Variants in CYB5R4 observed in about 807,000 individuals in gnomAD.
CYB5R4 encodes N-terminal cytochrome b5 and cytochrome b5 oxidoreductase domain-containing protein.
Under a neutral mutation model 70.2 loss-of-function variants are expected in CYB5R4, and 55 were observed. The ratio of observed to expected loss-of-function variants is 0.78; its 90% CI spans 0.63 to 0.98. The LOEUF (loss-of-function observed/expected upper bound fraction) is 0.98. Among genes scored for constraint, CYB5R4 ranks in the 50% least tolerant of loss-of-function variants. The probability of loss-of-function intolerance (pLI) is 0.00; values close to 1 mark genes in which losing one functional copy is unlikely to be tolerated. For missense variants in CYB5R4, 562 were observed against 612.6 expected (o/e 0.92, Z 0.87); for synonymous variants, 197 against 199.5 (o/e 0.99, Z 0.11).
chr6:83,887,747 C>G (rs1315214995), intron 2 of CYB5R4, among the ~76,000 whole-genome samples: 6 of 103,440 alleles, frequency 5.8e-5, no homozygotes, highest in Non-Finnish European at 9.7e-5. Flanking sequence ...AAACAAAACA[C>G]ACACAAAAAT....
In CYB5R4 at chr6:83,922,461, G is replaced by T. The variant is rs2099466534; in HGVS notation, c.682G>T (p.Asp228Tyr). 6.2e-7 allele frequency: 1 copy of T among 1,613,290 alleles called. No individual in the cohort carries two copies. The highest frequency in any genetic ancestry group is 8.5e-7 in the Non-Finnish European group (1 of 1,179,554). ...HIGLSHEVQEDFSVRVVESVG... is the reference protein window; with the variant it reads ...HIGLSHEVQEYFSVRVVESVG... Reference sequence around the variant, plus strand: ...AGGGCTAAGCCATGAGGTTCAGGAAGATTTTTCTGGTAAGCTACCAAAAAC... The same window carrying T: ...AGGGCTAAGCCATGAGGTTCAGGAATATTTTTCTGGTAAGCTACCAAAAAC... The change falls in exon 9 of 16, where the codon GAT (aspartate) becomes TAT (tyrosine). Residue 228 changes from aspartate to tyrosine, a missense_variant. Transcript: ENST00000369681.
intron 2 of CYB5R4, among the ~76,000 whole-genome samples, chr6:83,878,088 T>G (rs892647756): frequency 1.3e-5 from 2 of 152,210 alleles, no homozygotes; most frequent in African/African-American, 4.8e-5. Flanking sequence ...ATTTCCAGTC[T>G]GCCAATAAGC....
intron 1 of CYB5R4, among the ~76,000 whole-genome samples, chr6:83,860,168 A>G (rs1193604295): frequency 1.3e-5 from 2 of 152,090 alleles, no homozygotes; most frequent in Non-Finnish European, 2.9e-5. Flanking sequence ...GCGGTATTAT[A>G]GGCTCTCGGT....
intron 7 of CYB5R4, among the ~76,000 whole-genome samples, chr6:83,919,785 TG>T (rs1588576451): frequency 6.7e-6 from 1 of 149,826 alleles, no homozygotes; most frequent in African/African-American, 2.4e-5. Context: ...TGTGTGTGTG[TG>T]TGTGTGTGTG....
Position 83,960,059 on chromosome 6 carries a change from A to G in CYB5R4, c.*181A>G, listed in dbSNP as rs1462513181. The G allele has an allele frequency of 9.1e-6, 4 of 441,548 alleles. No homozygotes were observed. Among genetic ancestry groups the G allele is most frequent in the Non-Finnish European group, 1.2e-5 (3 of 252,396 alleles). The allele number at this position is 441,548 out of a possible 1,614,324, so 27.4% of individuals were successfully genotyped here. A position where few individuals can be genotyped will look rare whatever the true frequency, so the allele number is the denominator to read the frequency against. ...CTTCTTGGCTTTCTTTTGTACCACA[A>G]CTTATTTTACTACTGATATTTGACC... On this transcript the variant is annotated 3_prime_UTR_variant, in exon 16 of 16. Coordinates refer to ENST00000369681, the MANE Select transcript of CYB5R4 (RefSeq NM_016230.4).
At chr6:83,908,077 T>C (rs571034931) in intron 3 of CYB5R4, among the ~76,000 whole-genome samples, 1 of 149,286 alleles carries the variant, frequency 6.7e-6, no homozygotes, top group Non-Finnish European at 1.5e-5. Flanking sequence ...ATGGTTGAAC[T>C]AATTTACAGT....
chr6:83,878,991 C>T (rs1177632484), intron 2 of CYB5R4, among the ~76,000 whole-genome samples: 1 of 152,112 alleles, frequency 6.6e-6, no homozygotes, highest in African/African-American at 2.4e-5. Flanking sequence ...TCTTCCCCCT[C>T]TCCAAAAGGC....
chr6:83,873,999 G>A (rs2099458079), intron 2 of CYB5R4, among the ~76,000 whole-genome samples: 1 of 152,058 alleles, frequency 6.6e-6, no homozygotes, highest in Admixed American at 6.6e-5. Flanking sequence ...ATGTACATGG[G>A]CAGGTGTTTA....
At chr6:83,894,355 ATGT>A (rs1013093253) in intron 3 of CYB5R4, among the ~76,000 whole-genome samples, 19 of 152,148 alleles carry the variant, frequency 1.2e-4, no homozygotes, top group African/African-American at 3.6e-4. Context: ...ATGATTAACC[ATGT>A]TGTAATATTG....
chr6:83,864,399 A>C, intron 2 of CYB5R4, 71 bp downstream of exon 2: 28 of 1,337,640 alleles, frequency 2.1e-5, no homozygotes, highest in Non-Finnish European at 2.8e-5. Flanking sequence ...ACATAACCTC[A>C]CAGTCATGTT....
rs114604756 is a variant in CYB5R4, at chr6:83,950,415, G to C, written c.1347-4883G>C. On this transcript the variant is annotated intron_variant, in intron 14 of 15. Transcript: ENST00000369681. ...CCACTTATCCTTCTCCCAAATATGT[G>C]ATCAGTGTATGAGGCTCAGTTCATT... is the stretch of plus-strand genomic sequence containing the variant. Among the ~76,000 whole-genome samples, 412 of 152,204 alleles carry C rather than the reference G, an allele frequency of 2.7e-3. 1 individual carries two copies. Among genetic ancestry groups the C allele is most frequent in the Middle Eastern group, 6.8e-3 (2 of 294 alleles).
At chr6:83,876,021 A>G (rs544945491) in intron 2 of CYB5R4, among the ~76,000 whole-genome samples, 2 of 152,210 alleles carry the variant, frequency 1.3e-5, no homozygotes, top group Admixed American at 6.5e-5. Flanking sequence ...GACAGTAGGG[A>G]TATTCTAATG....
Position 83,881,071 on chromosome 6 carries a change from G to A in CYB5R4, c.230-12451G>A, listed in dbSNP as rs959385433. 5.9e-5 allele frequency among the ~76,000 whole-genome samples: 9 copies of A among 152,296 alleles called. 1 individual carries two copies. The highest frequency in any genetic ancestry group is 2.2e-4 in the African/African-American group (9 of 41,568). On this transcript the variant is annotated intron_variant, in intron 2 of 15. Coordinates refer to ENST00000369681, the MANE Select transcript of CYB5R4 (RefSeq NM_016230.4). ...CTCTCTGGTTTATCTTCTCCAGAGA[G>A]CACACCTACACTTCTCATAGGGTTG...
At chr6:83,888,572 G>T (rs978642753) in intron 2 of CYB5R4, among the ~76,000 whole-genome samples, 4 of 152,072 alleles carry the variant, frequency 2.6e-5, no homozygotes, top group Admixed American at 2.0e-4. Context: ...TAAACTGAAT[G>T]GACAAATGTA....
intron 14 of CYB5R4, among the ~76,000 whole-genome samples, chr6:83,954,137 A>G (rs1038370918): frequency 2.6e-5 from 4 of 152,152 alleles, no homozygotes; most frequent in African/African-American, 9.7e-5. Context: ...CAGTAAGTTA[A>G]CCTTCATTCA....
intron 2 of CYB5R4, among the ~76,000 whole-genome samples, chr6:83,866,834 G>A (rs2099456797): frequency 6.6e-6 from 1 of 152,072 alleles, no homozygotes; most frequent in Non-Finnish European, 1.5e-5. Flanking sequence ...GCCCAGGCTG[G>A]TCTTGAATTC....
rs1400804856 is a variant in CYB5R4 at position 83,936,270 on chromosome 6, C to T, written c.1002C>T (p.Leu334=). ...KPYTPVSGSL[L]SEFKEPVLPN... ...ATACACCTGTATCTGGTTCCTTACT[C>T]TCAGAGTTCAAGGAACCAGTTCTTC... Residue 334 remains leucine, a synonymous_variant, in exon 12 of 16, where the codon CTC becomes CTT. Transcript: ENST00000369681. 1.2e-6 allele frequency: 2 copies of T among 1,610,372 alleles called. No individual in the cohort carries two copies. The highest frequency in any genetic ancestry group is 3.4e-5 in the Admixed American group (2 of 59,160).
At chr6:83,928,009 G>A (rs1225973862) in intron 10 of CYB5R4, among the ~76,000 whole-genome samples, 1 of 152,140 alleles carries the variant, frequency 6.6e-6, no homozygotes, top group East Asian at 1.9e-4. Context: ...GTAGTACTTA[G>A]GAGATTACAG....
chr6:83,948,630 G>A (rs990986102), intron 14 of CYB5R4, among the ~76,000 whole-genome samples: 2 of 152,072 alleles, frequency 1.3e-5, no homozygotes, highest in African/African-American at 4.8e-5. Context: ...AAGCAATTTT[G>A]TAAAATTTTA....
Sources: allele counts gnomAD v4.1 joint callset (sites outside exome capture counted in the v4.1 genomes callset), GRCh38; gene constraint gnomAD v4.1.1; transcripts MANE v1.5; gene names NCBI Gene and HGNC (gene_info 2026-07-23, HGNC 2026-07-21).